PCDH7: variants seen among roughly 807,000 people sequenced by gnomAD.
The protein encoded by PCDH7 is protocadherin-7.
A neutral mutation model predicts 58.9 loss-of-function variants in PCDH7; 17 were observed. That is an observed-to-expected ratio of 0.29 (90% CI 0.20 to 0.43). PCDH7 has a LOEUF of 0.43. PCDH7 is among the 20% of genes least tolerant of loss of function. The pLI is 1.00. For synonymous variants in PCDH7, 664 were observed against 616.4 expected (o/e 1.08, Z -1.14); for missense variants, 1,274 against 1,441.0 (o/e 0.88, Z 1.88).
At chr4:30,880,974 C>T (rs755003840) in intron 1 of PCDH7, among the ~76,000 whole-genome samples, 1 of 152,134 alleles carries the variant, frequency 6.6e-6, no homozygotes, top group Non-Finnish European at 1.5e-5. Context: ...TGTTTGTCTT[C>T]TCCAGTGGAC....
chr4:31,029,772 G>C (rs1578602687), intron 3 of PCDH7, among the ~76,000 whole-genome samples: 1 of 152,256 alleles, frequency 6.6e-6, no homozygotes, highest in African/African-American at 2.4e-5. Flanking sequence ...GCCTGATACT[G>C]TAGATCTGGT....
At chr4:31,079,701 C>G (rs931216544) in intron 3 of PCDH7, among the ~76,000 whole-genome samples, 11 of 151,720 alleles carry the variant, frequency 7.3e-5, no homozygotes, top group African/African-American at 2.7e-4. Flanking sequence ...CTTACATAGA[C>G]CTTAGGAAAG....
At chr4:30,928,659 C>A (rs114425321) in intron 2 of PCDH7, among the ~76,000 whole-genome samples, 1 of 152,042 alleles carries the variant, frequency 6.6e-6, no homozygotes, top group Non-Finnish European at 1.5e-5. Context: ...GAAAATTATA[C>A]GGAAGAAACA....
intron 3 of PCDH7, among the ~76,000 whole-genome samples, chr4:31,092,482 C>A (rs1024448094): frequency 1.3e-5 from 2 of 151,908 alleles, no homozygotes; most frequent in South Asian, 4.1e-4. Flanking sequence ...GAAAGGGCTC[C>A]TAGAGATCAT....
chr4:31,095,206 G>A (rs902766633), intron 3 of PCDH7, among the ~76,000 whole-genome samples: 9 of 151,930 alleles, frequency 5.9e-5, no homozygotes, highest in African/African-American at 1.9e-4. Flanking sequence ...GGTGGTTATA[G>A]GAATTGGTTC....
intron 1 of PCDH7, among the ~76,000 whole-genome samples, chr4:30,842,086 C>A (rs772396677): frequency 6.6e-6 from 1 of 152,072 alleles, no homozygotes; most frequent in Non-Finnish European, 1.5e-5. Context: ...ATGTGGAAAA[C>A]ATATTTGACA....
intron 3 of PCDH7, among the ~76,000 whole-genome samples, chr4:31,034,675 A>T (rs1187081662): frequency 1.3e-5 from 2 of 152,080 alleles, no homozygotes; most frequent in African/African-American, 4.8e-5. Context: ...TCATTTCATC[A>T]TTTCCCTGCC....
At position 31,067,453 on chromosome 4, in the gene PCDH7, T is replaced by C. The variant is rs1242747995; in HGVS notation, c.*8-75020T>C. On this transcript the variant is annotated intron_variant, in intron 3 of 3. Transcript: ENST00000509759. ...CTGGGATCTGCAAGACTTTACACTT[T>C]TGAGATTCAGTTTCTTTCTCTGAAA... 2.6e-5 allele frequency among the ~76,000 whole-genome samples: 4 copies of C among 151,758 alleles called. No homozygotes were observed. In the East Asian group the frequency reaches 5.8e-4, roughly 22 times the overall value.
intron 2 of PCDH7, among the ~76,000 whole-genome samples, chr4:30,923,779 TATG>T (rs1743485937): frequency 6.6e-6 from 1 of 152,166 alleles, no homozygotes; most frequent in African/African-American, 2.4e-5. Flanking sequence ...TTATCATCAT[TATG>T]ATAATTTCAT....
chr4:30,846,898 A>G (rs1028465776), intron 1 of PCDH7, among the ~76,000 whole-genome samples: 8 of 152,056 alleles, frequency 5.3e-5, no homozygotes, highest in African/African-American at 1.4e-4. Flanking sequence ...CCGAGACAGA[A>G]GGATTGCTTG....
chr4:30,886,924 G>C (rs901049929), intron 1 of PCDH7, among the ~76,000 whole-genome samples: 2 of 140,198 alleles, frequency 1.4e-5, no homozygotes, highest in African/African-American at 5.4e-5. Context: ...ATTGAACAAT[G>C]AGATCACATG....
intron 3 of PCDH7, among the ~76,000 whole-genome samples, chr4:31,060,877 T>A (rs1480077658): frequency 1.3e-5 from 2 of 151,746 alleles, no homozygotes; most frequent in African/African-American, 4.8e-5. Flanking sequence ...AGTGAGCACA[T>A]AACATGCATC....
intron 1 of PCDH7, among the ~76,000 whole-genome samples, chr4:30,857,806 C>G (rs1042442039): frequency 1.3e-5 from 2 of 152,042 alleles, no homozygotes; most frequent in Admixed American, 1.3e-4. Context: ...TGTTCTGGAT[C>G]GTTTCTCCTT....
chr4:31,028,034 G>T (rs1397452864), intron 3 of PCDH7, among the ~76,000 whole-genome samples: 2 of 152,130 alleles, frequency 1.3e-5, no homozygotes, highest in Middle Eastern at 6.8e-3. Context: ...TGGTCATTTT[G>T]TACCTTTTAT....
intron 3 of PCDH7, among the ~76,000 whole-genome samples, chr4:31,030,768 G>GT (rs1754839454): frequency 6.6e-6 from 1 of 152,054 alleles, no homozygotes; most frequent in African/African-American, 2.4e-5. Context: ...AAAGACAATA[G>GT]AACTTGTCTA....
At chr4:30,818,078 A>T (rs1727918390) in intron 1 of PCDH7, among the ~76,000 whole-genome samples, 1 of 152,042 alleles carries the variant, frequency 6.6e-6, no homozygotes, top group Non-Finnish European at 1.5e-5. Context: ...GTACCTGCTT[A>T]GCCTTTTGAG....
intron 3 of PCDH7, among the ~76,000 whole-genome samples, chr4:31,000,903 C>T (rs1752311018): frequency 6.6e-6 from 1 of 152,020 alleles, no homozygotes; most frequent in Non-Finnish European, 1.5e-5. Context: ...GCTGTGATGG[C>T]ATATTTTATA....
At chr4:30,883,457 A>T (rs986419081) in intron 1 of PCDH7, among the ~76,000 whole-genome samples, 1 of 152,140 alleles carries the variant, frequency 6.6e-6, no homozygotes, top group African/African-American at 2.4e-5. Flanking sequence ...TATTTGTTTG[A>T]CTATCACACC....
At chr4:31,084,294 G>A (rs548898308) in intron 3 of PCDH7, among the ~76,000 whole-genome samples, 2 of 152,188 alleles carry the variant, frequency 1.3e-5, no homozygotes, top group African/African-American at 4.8e-5. Context: ...TGTAAAGGTT[G>A]GAAAATAGAT....
Sources: gnomAD v4.1 joint callset for allele counts (sites outside exome capture counted in the v4.1 genomes callset) on GRCh38, gnomAD v4.1.1 for gene constraint, MANE v1.5 for transcripts, NCBI Gene and HGNC (gene_info 2026-07-23, HGNC 2026-07-21) for gene names.